TRMT2B: variants seen among roughly 807,000 people sequenced by gnomAD.
The protein encoded by TRMT2B is tRNA (uracil-5-)-methyltransferase homolog B.
TRMT2B carries 34 observed loss-of-function variants against 39.7 expected under a neutral mutation model. The observed-to-expected ratio is 0.86, with a 90% CI of 0.65 to 1.14. TRMT2B has a LOEUF of 1.14. Ranked by LOEUF, TRMT2B falls within the 50% of genes most tolerant of loss-of-function variation. The probability of loss-of-function intolerance (pLI) is 0.00; values close to 1 mark genes in which losing one functional copy is unlikely to be tolerated. For synonymous variants in TRMT2B, 132 were observed against 137.3 expected, an observed-to-expected ratio of 0.96 and a Z score of 0.27; for missense variants, 318 against 377.2, an observed-to-expected ratio of 0.84 and a Z score of 1.30.
chrX:100,973,609 C>CTTA, the TRMT2B span: 1 of 1,050,062 alleles, frequency 9.5e-7, no homozygotes, highest in Non-Finnish European at 1.3e-6. Flanking sequence ...TAGTCATAAG[C>CTTA]TGACTAAAGG....
intron 2 of TRMT2B, among the ~76,000 whole-genome samples, chrX:101,046,936 A>G (rs1040336484): frequency 9.0e-6 from 1 of 110,647 alleles, no homozygotes; most frequent in African/African-American, 3.3e-5. Flanking sequence ...CCCCAGCAAA[A>G]AAAAGTACTT....
At chrX:100,974,054 A>C in the TRMT2B span, 1 of 826,270 alleles carries the variant, frequency 1.2e-6, no homozygotes. Context: ...AATAAGGAAG[A>C]GTATAACTCT....
intron 13 of TRMT2B, among the ~76,000 whole-genome samples, chrX:101,016,590 C>A (rs773790310): frequency 4.2e-4 from 45 of 108,375 alleles, no homozygotes; most frequent in Non-Finnish European, 8.4e-4. Flanking sequence ...GATTCTCATG[C>A]CAAGTAGCTG....
At chrX:100,998,515 A>T in the TRMT2B span, among the ~76,000 whole-genome samples, 19 of 93,005 alleles carry the variant, frequency 2.0e-4, no homozygotes, top group African/African-American at 7.2e-4. Flanking sequence ...AGATGGTGCC[A>T]CCACACTCCA....
the TRMT2B span, among the ~76,000 whole-genome samples, chrX:100,989,059 TA>T: frequency 9.1e-6 from 1 of 109,391 alleles, no homozygotes; most frequent in East Asian, 2.9e-4. Context: ...AATGGCTAAA[TA>T]AATTAGGATG....
intron 7 of TRMT2B, among the ~76,000 whole-genome samples, chrX:101,031,732 TAGAA>T (rs2087479236): frequency 1.0e-5 from 1 of 97,046 alleles, no homozygotes; most frequent in Non-Finnish European, 2.1e-5. Context: ...AAAAAGCAAA[TAGAA>T]AGATAAGTTA....
chrX:101,019,209 G>A (rs753956771), intron 12 of TRMT2B, 75 bp downstream of exon 12: 328 of 1,187,471 alleles, frequency 2.8e-4, no homozygotes, highest in Admixed American at 5.5e-4. Flanking sequence ...GGGAGCACCC[G>A]TAGCATGGTG....
At chrX:101,016,106 C>A in intron 13 of TRMT2B, among the ~76,000 whole-genome samples, 1 of 111,611 alleles carries the variant, frequency 9.0e-6, no homozygotes, top group Non-Finnish European at 1.9e-5. Flanking sequence ...AATTCACACA[C>A]CATACAGCTC....
At chrX:101,050,879 T>C (rs2089035203) in intron 2 of TRMT2B, among the ~76,000 whole-genome samples, 1 of 107,523 alleles carries the variant, frequency 9.3e-6, no homozygotes, top group African/African-American at 3.4e-5. Context: ...CAGTCTCTAC[T>C]AAAAATACAA....
chrX:101,028,786 G>A (rs1453912156), intron 7 of TRMT2B, among the ~76,000 whole-genome samples: 1 of 111,405 alleles, frequency 9.0e-6, no homozygotes, highest in Non-Finnish European at 1.9e-5. Flanking sequence ...CTGGTGGGAG[G>A]TGATTGAGTT....
chrX:100,987,687 C>A, the TRMT2B span: 2 of 714,406 alleles, frequency 2.8e-6, no homozygotes, highest in East Asian at 3.3e-5. Flanking sequence ...ATCATTGGCT[C>A]AAATGGGGCT....
the TRMT2B span, among the ~76,000 whole-genome samples, chrX:100,992,637 A>C: frequency 2.7e-5 from 3 of 111,812 alleles, no homozygotes; most frequent in Non-Finnish European, 5.6e-5. Flanking sequence ...AGTTAATATC[A>C]ATAAGCACAC....
the TRMT2B span, chrX:100,985,569 T>A: frequency 2.0e-6 from 2 of 1,004,302 alleles, no homozygotes; most frequent in Non-Finnish European, 1.4e-6. Context: ...CCCAGCAGGA[T>A]AGACAACTGC....
At chrX:101,014,403 T>G (rs770444259) in intron 13 of TRMT2B, among the ~76,000 whole-genome samples, 1 of 111,331 alleles carries the variant, frequency 9.0e-6, no homozygotes, top group East Asian at 2.8e-4. Flanking sequence ...AGTGGCACAA[T>G]CATAGCTCAC....
the TRMT2B span, among the ~76,000 whole-genome samples, chrX:101,001,902 C>T: frequency 0.11 from 12,030 of 107,684 alleles, 572 homozygotes; most frequent in African/African-American, 0.14. Context: ...CCAATTTGGA[C>T]AGAACCAGAT....
chrX:101,044,640 G>A (rs942382476), intron 2 of TRMT2B, among the ~76,000 whole-genome samples: 2 of 110,779 alleles, frequency 1.8e-5, no homozygotes, highest in Non-Finnish European at 3.8e-5. Flanking sequence ...GGTGGATCAC[G>A]AGGTCAGGAG....
chrX:101,005,483 G>A (rs1258585789), downstream of TRMT2B, among the ~76,000 whole-genome samples: 1 of 110,961 alleles, frequency 9.0e-6, no homozygotes, highest in African/African-American at 3.3e-5. Flanking sequence ...GGACAGTTGG[G>A]GAAATTGAAT....
At chrX:100,974,287 A>G in the TRMT2B span, 1 of 685,240 alleles carries the variant, frequency 1.5e-6, no homozygotes, top group South Asian at 2.5e-5. Context: ...GCATTACTTC[A>G]TGGCCCTCAA....
chrX:101,037,686 C>T, intron 5 of TRMT2B: 2 of 337,002 alleles, frequency 5.9e-6, no homozygotes, highest in Non-Finnish European at 1.0e-5. Flanking sequence ...CTGGCCCTTT[C>T]TAGATGTGTG....
Sources: gnomAD v4.1 joint callset for allele counts (sites outside exome capture counted in the v4.1 genomes callset) on GRCh38, gnomAD v4.1.1 for gene constraint, MANE v1.5 for transcripts, NCBI Gene and HGNC (gene_info 2026-07-23, HGNC 2026-07-21) for gene names.